Variants in SENP7 observed in about 807,000 individuals in gnomAD.
SENP7 encodes sentrin-specific protease 7.
Under a neutral mutation model 141.2 loss-of-function variants are expected in SENP7, and 64 were observed. That is an observed-to-expected ratio of 0.45 (90% CI 0.37 to 0.56). The LOEUF (loss-of-function observed/expected upper bound fraction) is 0.56. Ranked by LOEUF, SENP7 falls within the 20% of genes least tolerant of loss-of-function variation. The pLI is 0.00. For synonymous variants in SENP7, 382 were observed against 426.4 expected, an observed-to-expected ratio of 0.90 and a Z score of 1.28; for missense variants, 1,025 against 1,212.2, an observed-to-expected ratio of 0.85 and a Z score of 2.29.
intron 5 of SENP7, among the ~76,000 whole-genome samples, chr3:101,408,620 G>A (rs10936608): frequency 0.4 from 60,383 of 151,978 alleles, 12,515 homozygotes; most frequent in Admixed American, 0.54. Context: ...ATGCAAGGAT[G>A]GTTTAACATA....
At chr3:101,332,130 T>A in intron 18 of SENP7, 21 bp from the exon 19 acceptor site, 1 of 1,609,318 alleles carries the variant, frequency 6.2e-7, no homozygotes, top group South Asian at 1.1e-5. Context: ...AGAACTACAA[T>A]CTTAATACCA....
intron 6 of SENP7, among the ~76,000 whole-genome samples, chr3:101,374,541 A>G (rs1387358893): frequency 1.3e-5 from 2 of 152,116 alleles, no homozygotes; most frequent in African/African-American, 2.4e-5. Flanking sequence ...GGATTGCTTG[A>G]GGCCAGGAGT....
At chr3:101,385,140 G>A (rs1418743617) in intron 6 of SENP7, among the ~76,000 whole-genome samples, 1 of 152,068 alleles carries the variant, frequency 6.6e-6, no homozygotes, top group African/African-American at 2.4e-5. Context: ...ATATGGAGAT[G>A]TGTGTGTGTG....
At chr3:101,350,886 GCAAT>G (rs879530038) in intron 12 of SENP7, among the ~76,000 whole-genome samples, 4 of 151,794 alleles carry the variant, frequency 2.6e-5, no homozygotes, top group Admixed American at 2.0e-4. Flanking sequence ...GATACAGTAA[GCAAT>G]CAAATTATTA....
intron 4 of SENP7, among the ~76,000 whole-genome samples, chr3:101,446,699 T>A (rs980797800): frequency 6.6e-6 from 1 of 151,830 alleles, no homozygotes; most frequent in Non-Finnish European, 1.5e-5. Context: ...AAGAAAAAAA[T>A]TTTTTTTACT....
chr3:101,342,340 C>A (rs1032560697), intron 14 of SENP7, among the ~76,000 whole-genome samples: 5 of 152,098 alleles, frequency 3.3e-5, no homozygotes, highest in African/African-American at 1.2e-4. Context: ...TTAATAAATT[C>A]TTTTCTTTCT....
intron 13 of SENP7, 138 bp from the exon 14 acceptor site, chr3:101,344,092 A>G (rs571381677): frequency 2.3e-5 from 15 of 656,126 alleles, no homozygotes; most frequent in Middle Eastern, 4.3e-4. Flanking sequence ...ACCAAGGCAA[A>G]TTAATATCCC....
chr3:101,332,041 T>G lies in SENP7; in HGVS notation c.2642A>C (p.Gln881Pro). 6.2e-7 allele frequency: 1 copy of G among 1,613,604 alleles called. No homozygotes were observed. The highest frequency in any genetic ancestry group is 8.5e-7 in the Non-Finnish European group (1 of 1,179,702). ...LEEAVYEDFP[Q>P]TVSQQSQAQQ... ...AGCCTGGGACTGCTGGGATACAGTT[T>G]GTGGAAAATCTTCATACACAGCTTC... Residue 881 changes from glutamine to proline, a missense_variant, in exon 19 of 24, where the codon CAA becomes CCA. This residue lies in a region of SENP7 where 295 missense variants were observed against 459.1 expected (regional missense o/e 0.64). Coordinates refer to ENST00000394095, the MANE Select transcript of SENP7 (RefSeq NM_020654.5).
At chr3:101,417,368 C>T (rs1415256684) in intron 5 of SENP7, among the ~76,000 whole-genome samples, 1 of 151,974 alleles carries the variant, frequency 6.6e-6, no homozygotes, top group African/African-American at 2.4e-5. Flanking sequence ...ACTAATGATA[C>T]TCGTTTTTAA....
rs2317697 is a variant in SENP7 at position 101,409,255 on chromosome 3, G to A, written c.482+8338C>T. On this transcript the variant is annotated intron_variant, in intron 5 of 23. Coordinates refer to ENST00000394095, the MANE Select transcript of SENP7 (RefSeq NM_020654.5). ...AGAGTCAAAAGGCCTCTTCTACAAGGAAAACTACAAAACACTGCTGAAAGA... is the reference window on the plus strand; with the variant it reads ...AGAGTCAAAAGGCCTCTTCTACAAGAAAAACTACAAAACACTGCTGAAAGA... Among the ~76,000 whole-genome samples, 420 of 152,204 alleles carry A rather than the reference G, an allele frequency of 2.8e-3. 8 individuals are homozygous for A. In the East Asian group the frequency reaches 0.048, roughly 17 times the overall value.
At chr3:101,479,346 GGCTCACGCCTGCTGTTC>G (rs1179018226) in intron 3 of SENP7, among the ~76,000 whole-genome samples, 4 of 152,186 alleles carry the variant, frequency 2.6e-5, no homozygotes, top group Non-Finnish European at 4.4e-5. Flanking sequence ...TGGGTGCAGT[GGCTCACGCCTGCTGTTC>G]CAGCACTTTG....
At chr3:101,469,181 C>T (rs1160232402) in intron 3 of SENP7, among the ~76,000 whole-genome samples, 2 of 152,100 alleles carry the variant, frequency 1.3e-5, no homozygotes, top group Non-Finnish European at 2.9e-5. Context: ...AATATATACA[C>T]ACCCAATAAA....
chr3:101,399,928 G>C (rs1338102170), intron 5 of SENP7, among the ~76,000 whole-genome samples: 1 of 152,154 alleles, frequency 6.6e-6, no homozygotes, highest in Non-Finnish European at 1.5e-5. Flanking sequence ...ATCTAGCCTG[G>C]ACTGTATTTT....
intron 1 of SENP7, among the ~76,000 whole-genome samples, chr3:101,505,564 T>C (rs1655710463): frequency 6.6e-6 from 1 of 152,198 alleles, no homozygotes. Flanking sequence ...TACAATTTTT[T>C]TATAGCTGAC....
Position 101,393,327 on chromosome 3 carries a change from A to G in SENP7, c.677+5534T>C, listed in dbSNP as rs147969531. ...AAAAGCACAGGTAACAAAAGCAAAA[A>G]ACAGACAAAAGGGATTACATCAAAA... On this transcript the variant is annotated intron_variant, in intron 6 of 23. Transcript: ENST00000394095. Among the ~76,000 whole-genome samples the G allele has an allele frequency of 4.8e-3, 733 of 152,294 alleles. 5 individuals carry two copies. The highest frequency in any genetic ancestry group is 0.015 in the African/African-American group (627 of 41,572).
At chr3:101,406,735 A>G (rs1337352941) in intron 5 of SENP7, among the ~76,000 whole-genome samples, 1 of 152,190 alleles carries the variant, frequency 6.6e-6, no homozygotes, top group African/African-American at 2.4e-5. Flanking sequence ...TGGAAAATTC[A>G]TCACAAAAAG....
intron 5 of SENP7, chr3:101,414,260 C>T (rs141580010): frequency 1.2e-5 from 8 of 674,388 alleles, no homozygotes; most frequent in Middle Eastern, 4.0e-4. Flanking sequence ...GTGGTAGAAT[C>T]GATGGTGAAG....
At chr3:101,492,239 G>A (rs1360901144) in intron 3 of SENP7, among the ~76,000 whole-genome samples, 1 of 152,092 alleles carries the variant, frequency 6.6e-6, no homozygotes, top group African/African-American at 2.4e-5. Context: ...GCTAAGCATG[G>A]TGGTGCATGC....
intron 5 of SENP7, among the ~76,000 whole-genome samples, chr3:101,402,673 T>C (rs907630122): frequency 1.3e-5 from 2 of 148,200 alleles, no homozygotes; most frequent in African/African-American, 5.0e-5. Flanking sequence ...AAAATGGAAC[T>C]ACAATGTCTG....
Sources: gnomAD v4.1 joint callset for allele counts (sites outside exome capture counted in the v4.1 genomes callset) on GRCh38, gnomAD v4.1.1 for gene constraint, gnomAD v4.1.1 regional missense constraint, MANE v1.5 for transcripts, NCBI Gene and HGNC (gene_info 2026-07-23, HGNC 2026-07-21) for gene names.